The following DOCK2 variants were observed in gnomAD, a reference collection of about 807,000 sequenced individuals.
The protein encoded by DOCK2 is dedicator of cytokinesis 2, also known as dedicator of cytokinesis protein 2.
A neutral mutation model predicts 248.9 loss-of-function variants in DOCK2; 87 were observed. That is an observed-to-expected ratio of 0.35 (90% CI 0.29 to 0.42). The LOEUF is 0.42. DOCK2 is among the 10% of genes least tolerant of loss of function. DOCK2 has a pLI of 1.00. For synonymous variants in DOCK2, 805 were observed against 821.6 expected, an observed-to-expected ratio of 0.98 and a Z score of 0.35; for missense variants, 1,747 against 2,300.2, an observed-to-expected ratio of 0.76 and a Z score of 4.92.
chr5:170,003,861 A>G (rs1160720693), intron 30 of DOCK2, among the ~76,000 whole-genome samples: 1 of 152,258 alleles, frequency 6.6e-6, no homozygotes, highest in East Asian at 1.9e-4. Context: ...AGCGCTACAC[A>G]GAGCCACATA....
At position 170,055,328 on chromosome 5, in the gene DOCK2, C is replaced by G; in HGVS notation, c.4237C>G (p.Pro1413Ala). 1.2e-6 allele frequency: 2 copies of G among 1,614,090 alleles called. No homozygotes were observed. Among genetic ancestry groups the G allele is most frequent in the Non-Finnish European group, 1.7e-6 (2 of 1,179,928 alleles). ...GQYIQCFTVQ[P>A]VLDEHPRFKN... ...AGATATCCAGTGCTTCACTGTCCAG[C>G]CTGTCTTGGATGAACATCCCAGGTT... The change falls in exon 42 of 52, where the codon CCT (proline) becomes GCT (alanine). Residue 1413 changes from proline (P) to alanine (A), a missense_variant. Physicochemically the swap from Pro to Ala is conservative, Grantham distance 27. Around this residue, in one of 4 missense-constraint regions of DOCK2, gnomAD observed 513 missense variants for 586.1 expected, o/e 0.88. Transcript: ENST00000520908.
In DOCK2 at chr5:169,771,141, A is replaced by G. The variant is rs551646819; in HGVS notation, c.2554+9516A>G. ...ATTGCCCTACTTCTTAACCTTTGCCACTAAAATGGGCTTAGACTACATCAT... is the reference window on the plus strand; with the variant it reads ...ATTGCCCTACTTCTTAACCTTTGCCGCTAAAATGGGCTTAGACTACATCAT... On this transcript the variant is annotated intron_variant, in intron 25 of 51. Transcript: ENST00000520908. Among the ~76,000 whole-genome samples, 15 of 152,348 alleles carry G rather than the reference A, an allele frequency of 9.8e-5. No homozygotes were observed. The South Asian group carries it at 3.1e-3, about 32-fold the overall frequency.
intron 27 of DOCK2, chr5:169,884,291 AG>A (rs1403668870): frequency 1.8e-5 from 3 of 162,352 alleles, no homozygotes; most frequent in African/African-American, 7.2e-5. Flanking sequence ...AGTACCATTT[AG>A]GGGGTAGTGC....
intron 15 of DOCK2, among the ~76,000 whole-genome samples, chr5:169,708,568 C>CTTTTTTTT (rs35842616): frequency 6.9e-6 from 1 of 144,274 alleles, no homozygotes; most frequent in Admixed American, 6.9e-5. Flanking sequence ...TAGCATTCTT[C>CTTTTTTTT]TTTTTTTTTT....
At chr5:169,670,751 A>G (rs550193359) in intron 4 of DOCK2, among the ~76,000 whole-genome samples, 154 bp downstream of exon 4, 6 of 152,250 alleles carry the variant, frequency 3.9e-5, no homozygotes, top group South Asian at 2.1e-4. Flanking sequence ...CCGTTACTCA[A>G]TGGGAGATCT....
At chr5:169,821,574 A>G (rs1271421966) in intron 26 of DOCK2, among the ~76,000 whole-genome samples, 1 of 152,200 alleles carries the variant, frequency 6.6e-6, no homozygotes, top group Non-Finnish European at 1.5e-5. Flanking sequence ...AAATGCTAAG[A>G]GATTTTGTCA....
At position 169,670,615 on chromosome 5, in the gene DOCK2, C is replaced by T. The variant is rs756038845; in HGVS notation, c.224+18C>T. ...AAAAGAAGGTATTTGCCATTCTTCACCAGACTTGAGCCTCCAGTGGCTCAT... is the reference window on the plus strand; with the variant it reads ...AAAAGAAGGTATTTGCCATTCTTCATCAGACTTGAGCCTCCAGTGGCTCAT... On this transcript the variant is annotated intron_variant, in intron 4 of 51. Coordinates refer to ENST00000520908, the MANE Select transcript of DOCK2 (RefSeq NM_004946.3). 14 of 1,613,520 alleles carry T rather than the reference C, an allele frequency of 8.7e-6. No individual in the cohort carries two copies. In the South Asian group the frequency reaches 8.8e-5, roughly 10 times the overall value.
At chr5:169,775,718 G>C (rs149941920) in intron 25 of DOCK2, among the ~76,000 whole-genome samples, 2 of 152,080 alleles carry the variant, frequency 1.3e-5, no homozygotes, top group African/African-American at 4.8e-5. Flanking sequence ...AAACAGGGCT[G>C]TTGGAACATT....
chr5:169,844,956 A>G (rs1770215375), intron 27 of DOCK2, among the ~76,000 whole-genome samples: 3 of 151,822 alleles, frequency 2.0e-5, no homozygotes, highest in South Asian at 4.2e-4. Context: ...GCAGTTTATG[A>G]GAACCTCTTA....
At position 169,698,357 on chromosome 5, in the gene DOCK2, T is replaced by C. The variant is rs749620964; in HGVS notation, c.980-17T>C. 1 of 1,612,816 alleles carries C rather than the reference T, an allele frequency of 6.2e-7. No homozygotes were observed. The highest frequency in any genetic ancestry group is 8.5e-7 in the Non-Finnish European group (1 of 1,178,884). Reference sequence around the variant, plus strand: ...AGGAAGAAGTTAAACCATTAATTCATTCTGTCTTCTTTCTAGTTATGGATA... The same window carrying C: ...AGGAAGAAGTTAAACCATTAATTCACTCTGTCTTCTTTCTAGTTATGGATA... On this transcript the variant is annotated splice_polypyrimidine_tract_variant and intron_variant, in intron 10 of 51. Coordinates refer to ENST00000520908, the MANE Select transcript of DOCK2 (RefSeq NM_004946.3).
In DOCK2 at chr5:170,019,127, A is replaced by G. The variant is rs1561883454; in HGVS notation, c.3381+19A>G. On this transcript the variant is annotated intron_variant, in intron 33 of 51. Transcript: ENST00000520908. ...CAAAAAGGTAAAAAATGAGGCCGGAAACTCATGCCAGCATGCCTAATCCCC... is the reference window on the plus strand; with the variant it reads ...CAAAAAGGTAAAAAATGAGGCCGGAGACTCATGCCAGCATGCCTAATCCCC... 3.7e-6 allele frequency: 6 copies of G among 1,613,862 alleles called. No individual in the cohort carries two copies. The highest frequency in any genetic ancestry group is 4.2e-6 in the Non-Finnish European group (5 of 1,179,818).
intron 27 of DOCK2, among the ~76,000 whole-genome samples, chr5:169,873,044 C>T (rs1222682226): frequency 6.6e-6 from 1 of 152,206 alleles, no homozygotes; most frequent in Non-Finnish European, 1.5e-5. Context: ...GCCTCTGTGC[C>T]AGCAGCCACT....
At chr5:170,035,756 C>T (rs1756301588) in intron 35 of DOCK2, among the ~76,000 whole-genome samples, 1 of 152,124 alleles carries the variant, frequency 6.6e-6, no homozygotes, top group South Asian at 2.1e-4. Context: ...TGATTTGCCA[C>T]CCATTGACTG....
chr5:169,898,019 G>A (rs553630273), intron 27 of DOCK2, among the ~76,000 whole-genome samples: 3 of 152,360 alleles, frequency 2.0e-5, no homozygotes, highest in African/African-American at 4.8e-5. Context: ...AAGAGTATTA[G>A]GAAATAATTC....
At chr5:169,999,738 T>C (rs568701772) in intron 30 of DOCK2, among the ~76,000 whole-genome samples, 1 of 152,332 alleles carries the variant, frequency 6.6e-6, no homozygotes, top group Admixed American at 6.5e-5. Flanking sequence ...ATGGATTTGT[T>C]CTCTGTACCC....
At chr5:169,693,311 G>C (rs1379488682) in intron 9 of DOCK2, among the ~76,000 whole-genome samples, 1 of 152,112 alleles carries the variant, frequency 6.6e-6, no homozygotes, top group African/African-American at 2.4e-5. Flanking sequence ...TGTGTTTATG[G>C]AGCAATAAAG....
chr5:169,717,542 G>C, intron 21 of DOCK2, 58 bp downstream of exon 21: 2 of 1,485,550 alleles, frequency 1.3e-6, no homozygotes, highest in East Asian at 4.5e-5. Context: ...CTGCCAGGAT[G>C]CCTAGGGCAC....
chr5:169,916,731 C>T (rs570959723), intron 27 of DOCK2, among the ~76,000 whole-genome samples: 1 of 152,244 alleles, frequency 6.6e-6, no homozygotes, highest in South Asian at 2.1e-4. Flanking sequence ...ATTTTATGTG[C>T]CAGGCACCAG....
chr5:170,012,104 T>C (rs1445115977), intron 32 of DOCK2, among the ~76,000 whole-genome samples: 1 of 152,234 alleles, frequency 6.6e-6, no homozygotes, highest in African/African-American at 2.4e-5. Context: ...AACAAGCCAG[T>C]GACTGAATTG....
Sources: allele counts gnomAD v4.1 joint callset (sites outside exome capture counted in the v4.1 genomes callset), GRCh38; gene constraint gnomAD v4.1.1; regional missense constraint gnomAD v4.1.1; transcripts MANE v1.5; gene names NCBI Gene and HGNC (gene_info 2026-07-23, HGNC 2026-07-21).